Variants in CRACDL observed in about 807,000 individuals in gnomAD.
The protein encoded by CRACDL is CRACD like.
CRACDL carries 26 observed loss-of-function variants against 70.6 expected under a neutral mutation model. The observed-to-expected ratio is 0.37, with a 90% CI of 0.27 to 0.51. The LOEUF is 0.51. CRACDL is among the 20% of genes least tolerant of loss of function. The probability of loss-of-function intolerance (pLI) is 0.94; values close to 1 mark genes in which losing one functional copy is unlikely to be tolerated. For missense variants in CRACDL, 1,283 were observed against 1,376.9 expected (o/e 0.93, Z 1.08); for synonymous variants, 618 against 615.2 (o/e 1.00, Z -0.07).
At chr2:98,810,674 G>T (rs777601290) in intron 7 of CRACDL, among the ~76,000 whole-genome samples, 5 of 152,172 alleles carry the variant, frequency 3.3e-5, no homozygotes, top group South Asian at 2.1e-4. Context: ...TCTCTATTCT[G>T]CTGGAAGAAG....
intron 4 of CRACDL, 97 bp from the exon 5 acceptor site, chr2:98,832,609 G>C (rs1398091354): frequency 8.3e-6 from 10 of 1,202,562 alleles, no homozygotes; most frequent in Non-Finnish European, 1.1e-5. Flanking sequence ...AATGCCTTCA[G>C]TATCTTGGTG....
At chr2:98,906,159 G>T (rs1158707767) in intron 1 of CRACDL, among the ~76,000 whole-genome samples, 2 of 151,986 alleles carry the variant, frequency 1.3e-5, no homozygotes, top group African/African-American at 4.8e-5. Flanking sequence ...CAGTTTGAAT[G>T]GTTTTTATTG....
intron 1 of CRACDL, 85 bp from the exon 2 acceptor site, chr2:98,846,895 C>T (rs1706279357): frequency 8.7e-7 from 1 of 1,146,854 alleles, no homozygotes; most frequent in Non-Finnish European, 1.3e-6. Context: ...ACTGCATTTG[C>T]CATGATCTGG....
intron 2 of CRACDL, among the ~76,000 whole-genome samples, chr2:98,840,906 G>C (rs1486015236): frequency 6.6e-6 from 1 of 152,074 alleles, no homozygotes; most frequent in Non-Finnish European, 1.5e-5. Flanking sequence ...CTGAAATGCT[G>C]CAAAATCTGA....
At chr2:98,854,279 CAAAAAAAAAAAAA>C (rs1229198569) in intron 1 of CRACDL, among the ~76,000 whole-genome samples, 2 of 54,222 alleles carry the variant, frequency 3.7e-5, no homozygotes, top group African/African-American at 1.3e-4. Flanking sequence ...GACTCTGTCT[CAAAAAAAAAAAAA>C]AAAAAAAAGA....
intron 1 of CRACDL, among the ~76,000 whole-genome samples, chr2:98,893,501 G>T (rs769053630): frequency 6.6e-6 from 1 of 152,050 alleles, no homozygotes; most frequent in Non-Finnish European, 1.5e-5. Flanking sequence ...AGCCAGGATG[G>T]TCTCGATCTC....
chr2:98,832,462 C>G lies in CRACDL; in HGVS notation c.426G>C (p.Gly142=), dbSNP rs200144604. The G allele has an allele frequency of 6.2e-7, 1 of 1,613,270 alleles. No homozygotes were observed. The highest frequency in any genetic ancestry group is 1.3e-5 in the African/African-American group (1 of 74,944). ...CATCCTCTCCCCGCTTGGCAGGAAG[C>G]CCCCCTGGAGGAGGTGGTGGCCCCA... The part of the protein sequence containing the change: ...VKMGPPPPPG[G]LPAKRGEDAG... Residue 142 remains glycine (G), a synonymous_variant, in exon 5 of 10, where the codon GGG becomes GGC. Transcript: ENST00000397899.
intron 1 of CRACDL, among the ~76,000 whole-genome samples, chr2:98,899,292 CTTTTAAAAAT>C (rs1708205802): frequency 1.3e-5 from 2 of 152,226 alleles, no homozygotes; most frequent in African/African-American, 2.4e-5. Context: ...GACGTTAAGC[CTTTTAAAAAT>C]GTACAAGTAT....
At chr2:98,900,835 C>G (rs1708259642) in intron 1 of CRACDL, among the ~76,000 whole-genome samples, 1 of 152,150 alleles carries the variant, frequency 6.6e-6, no homozygotes, top group Admixed American at 6.5e-5. Flanking sequence ...ACTCCACAGC[C>G]TCGTTGGGCA....
chr2:98,823,342 G>T lies in CRACDL; in HGVS notation c.931C>A (p.Arg311Ser), dbSNP rs1232767391. 1 of 1,501,782 alleles carries T rather than the reference G, an allele frequency of 6.7e-7. No homozygotes were observed. Among genetic ancestry groups the T allele is most frequent in the Non-Finnish European group, 8.8e-7 (1 of 1,134,196 alleles). The allele number at this position is 1,501,782 out of a possible 1,614,324, so 93.0% of individuals were successfully genotyped here. Reference sequence around the variant, plus strand: ...GTGAGCGCGGAGGAGTGCTGCAGGCGGGCGCGTCTGGCACGGGCCCCTCCG... The same window carrying T: ...GTGAGCGCGGAGGAGTGCTGCAGGCTGGCGCGTCTGGCACGGGCCCCTCCG... ...PPGGARARRA[R>S]LQHSSALTAS... Residue 311 changes from arginine to serine, a missense_variant, in exon 7 of 10, where the codon CGC becomes AGC. By Grantham distance (110) the Arg-to-Ser change is moderately radical. Around this residue, in one of 2 missense-constraint regions of CRACDL, gnomAD observed 362 missense variants for 495.0 expected, o/e 0.73. Coordinates refer to ENST00000397899, the MANE Select transcript of CRACDL (RefSeq NM_207362.3). This position sits in a 1 kb window ranked among gnomAD's most constrained non-coding sequence, Gnocchi z 4.0.
chr2:98,933,677 G>A (rs1209693109), intron 1 of CRACDL, among the ~76,000 whole-genome samples: 1 of 152,146 alleles, frequency 6.6e-6, no homozygotes, highest in Non-Finnish European at 1.5e-5. Context: ...AAGAGCCAGT[G>A]ACTGCAAGGT....
At chr2:98,874,634 C>A (rs1191282094) in intron 1 of CRACDL, among the ~76,000 whole-genome samples, 1 of 152,202 alleles carries the variant, frequency 6.6e-6, no homozygotes. Flanking sequence ...CACTGTGGAA[C>A]AACAAGGGAC....
chr2:98,826,108 A>G (rs1360326322), intron 6 of CRACDL, among the ~76,000 whole-genome samples: 1 of 152,200 alleles, frequency 6.6e-6, no homozygotes, highest in African/African-American at 2.4e-5. Flanking sequence ...GAGAGGGAAC[A>G]ACCCTATGTG....
chr2:98,902,719 T>C lies in CRACDL; in HGVS notation c.-11+33219A>G, dbSNP rs1484349670. 8.6e-5 allele frequency among the ~76,000 whole-genome samples: 13 copies of C among 151,852 alleles called. 1 individual carries two copies. The highest frequency in any genetic ancestry group is 7.9e-4 in the Admixed American group (12 of 15,248). On this transcript the variant is annotated intron_variant, in intron 1 of 9. Coordinates refer to ENST00000397899, the MANE Select transcript of CRACDL (RefSeq NM_207362.3). ...CTAGGCCTCTCATCACCGGGCAAAC[T>C]CTCAGAACTTGCCACGGCCCAGCCT...
At chr2:98,867,527 A>C (rs77944740) in intron 1 of CRACDL, among the ~76,000 whole-genome samples, 4,506 of 152,110 alleles carry the variant, frequency 0.03, 164 homozygotes, top group South Asian at 0.17. Context: ...AGACATTTTC[A>C]GGTCATTAGA....
At position 98,794,628 on chromosome 2, in the gene CRACDL, C is replaced by G. The variant is rs770117455; in HGVS notation, c.2793G>C (p.Lys931Asn). ...GATCTGTACTGGCATAACTGGCTCT[C>G]TTCAGCTGATGCAGTTCCTTCTCCA... ...VMMEKELHQLKRASYASTDQP... is the reference protein window; with the variant it reads ...VMMEKELHQLNRASYASTDQP... Residue 931 changes from lysine (K) to asparagine (N), a missense_variant, in exon 10 of 10, where the codon AAG (lysine) becomes AAC (asparagine). Physicochemically the swap from Lys to Asn is moderately conservative, Grantham distance 94. This residue lies in a region of CRACDL where 921 missense variants were observed against 881.9 expected (regional missense o/e 1.04). Transcript: ENST00000397899. 1 of 1,613,962 alleles carries G rather than the reference C, an allele frequency of 6.2e-7. No individual in the cohort carries two copies. Among genetic ancestry groups the G allele is most frequent in the Non-Finnish European group, 8.5e-7 (1 of 1,179,838 alleles).
intron 1 of CRACDL, among the ~76,000 whole-genome samples, chr2:98,872,991 C>A (rs2104600978): frequency 6.6e-6 from 1 of 152,310 alleles, no homozygotes; most frequent in East Asian, 1.9e-4. Flanking sequence ...CCAATAGTTT[C>A]TTTTAAAGAC....
rs1408608719 is a variant in CRACDL at position 98,822,428 on chromosome 2, G to C, written c.1845C>G (p.Asp615Glu). The change falls in exon 7 of 10, where the codon GAC (aspartate) becomes GAG (glutamate). Residue 615 changes from aspartate to glutamate, a missense_variant. By Grantham distance (45) the Asp-to-Glu change is conservative. Transcript: ENST00000397899. This position sits in a 1 kb window ranked among gnomAD's most constrained non-coding sequence, Gnocchi z 4.9. ...GCTGGGGCTCGGGGAGACCCTGGAG[G>C]TCGTCAAGAGCCGCCTCGCTCCTCC... The part of the protein sequence containing the change: ...PVWRSEAALD[D>E]LQGLPEPQHA... 1 of 1,484,112 alleles carries C rather than the reference G, an allele frequency of 6.7e-7. No individual in the cohort carries two copies. The allele number at this position is 1,484,112 out of a possible 1,614,324, so 91.9% of individuals were successfully genotyped here. A position where few individuals can be genotyped will look rare whatever the true frequency, so the allele number is the denominator to read the frequency against.
intron 1 of CRACDL, among the ~76,000 whole-genome samples, chr2:98,929,385 T>G (rs145385234): frequency 6.6e-6 from 1 of 152,176 alleles, no homozygotes; most frequent in Admixed American, 6.5e-5. Flanking sequence ...GCAGACCTTG[T>G]GTGTAGTCGC....
Sources: allele counts gnomAD v4.1 joint callset (sites outside exome capture counted in the v4.1 genomes callset), GRCh38; gene constraint gnomAD v4.1.1; regional missense constraint gnomAD v4.1.1; non-coding constraint Gnocchi (gnomAD v3.1); transcripts MANE v1.5; gene names NCBI Gene and HGNC (gene_info 2026-07-23, HGNC 2026-07-21).